The following TMEM255B variants were observed in gnomAD, a reference collection of about 807,000 sequenced individuals.
TMEM255B encodes the protein family with sequence similarity 70, member B.
In TMEM255B, 35 loss-of-function variants were observed where a neutral mutation model predicts 34.5. The observed-to-expected ratio is 1.01, with a 90% CI of 0.77 to 1.34. The LOEUF (loss-of-function observed/expected upper bound fraction) is 1.34. Among genes scored for constraint, TMEM255B ranks in the 40% most tolerant of loss-of-function variants. The pLI is 0.00. For synonymous variants in TMEM255B, 206 were observed against 201.2 expected (o/e 1.02, Z -0.20); for missense variants, 432 against 433.2 (o/e 1.00, Z 0.02).
rs908407287 is a variant in TMEM255B at position 113,813,193 on chromosome 13, A to G, written c.*1290A>G. ...GGGAGGGCGGGCGAGAGGTGATCCCATTGCTCCCCAGACGTGCCACAAGAC... is the reference window on the plus strand; with the variant it reads ...GGGAGGGCGGGCGAGAGGTGATCCCGTTGCTCCCCAGACGTGCCACAAGAC... On this transcript the variant is annotated 3_prime_UTR_variant, in exon 9 of 9. Coordinates refer to ENST00000375353, the MANE Select transcript of TMEM255B (RefSeq NM_182614.4). 1.3e-5 allele frequency: 2 copies of G among 152,050 alleles called. No individual in the cohort carries two copies. Among genetic ancestry groups the G allele is most frequent in the African/African-American group, 4.8e-5 (2 of 41,384 alleles). 9.4% of individuals were successfully genotyped at this position (152,050 alleles called of 1,614,324 possible). A position where few individuals can be genotyped will look rare whatever the true frequency, so the allele number is the denominator to read the frequency against.
chr13:113,788,740 A>G (rs577365693), intron 3 of TMEM255B, among the ~76,000 whole-genome samples: 2 of 151,738 alleles, frequency 1.3e-5, no homozygotes, highest in East Asian at 3.9e-4. Flanking sequence ...CGACCTGTGT[A>G]CTCCACTCGC....
chr13:113,799,509 A>G, intron 5 of TMEM255B, 90 bp downstream of exon 5: 1 of 1,245,130 alleles, frequency 8.0e-7, no homozygotes, highest in Non-Finnish European at 1.2e-6. Context: ...CGTGGTCTGA[A>G]TATTTTGATT....
At chr13:113,800,376 T>G (rs1308897462) in intron 5 of TMEM255B, among the ~76,000 whole-genome samples, 1 of 150,270 alleles carries the variant, frequency 6.7e-6, no homozygotes, top group East Asian at 2.0e-4. Context: ...CTTTCAAGGT[T>G]GTCACACAGA....
rs376156093 is a variant in TMEM255B at position 113,811,621 on chromosome 13, G to A, written c.814-115G>A. ...GGCCCTGAGTCTGCGGGTGGCCCTG[G>A]GTTGGCGGGGTGGGTGGGGAGCGTG... On this transcript the variant is annotated intron_variant, in intron 8 of 8. Transcript: ENST00000375353. 3,399 of 1,254,160 alleles carry A rather than the reference G, an allele frequency of 2.7e-3. 14 individuals are homozygous for A. Among genetic ancestry groups the A allele is most frequent in the Middle Eastern group, 5.0e-3 (18 of 3,632 alleles). The allele number at this position is 1,254,160 out of a possible 1,614,324, so 77.7% of individuals were successfully genotyped here.
intron 3 of TMEM255B, among the ~76,000 whole-genome samples, chr13:113,794,934 G>A (rs578018207): frequency 6.6e-6 from 1 of 152,380 alleles, no homozygotes; most frequent in South Asian, 2.1e-4. Context: ...TGCAGAAGGC[G>A]CCTGGGTGGG....
intron 3 of TMEM255B, among the ~76,000 whole-genome samples, chr13:113,773,243 G>T (rs542370681): frequency 6.6e-6 from 1 of 152,176 alleles, no homozygotes; most frequent in Non-Finnish European, 1.5e-5. Flanking sequence ...GTTGTCCATT[G>T]CAAGTGTTTA....
In TMEM255B at chr13:113,766,211, C is replaced by T. The variant is rs2050386096; in HGVS notation, c.143C>T (p.Thr48Ile). 4 of 1,614,100 alleles carry T rather than the reference C, an allele frequency of 2.5e-6. No individual in the cohort carries two copies. The African/African-American group carries it at 4.0e-5, about 16-fold the overall frequency. The change falls in exon 2 of 9, where the codon ACC becomes ATC. Residue 48 changes from threonine (T) to isoleucine (I), a missense_variant. Thr to Ile is a moderately conservative substitution (Grantham distance 89). Coordinates refer to ENST00000375353, the MANE Select transcript of TMEM255B (RefSeq NM_182614.4). ...GTCACCGTCGGGCTGGCTGCCACCA[C>T]CAGGACGGAGAATGTGACCGTTGGG... is the stretch of plus-strand genomic sequence containing the variant. Reference protein sequence around the residue: ...LIVTVGLAATTRTENVTVGGY... With the variant: ...LIVTVGLAATIRTENVTVGGY...
Position 113,815,130 on chromosome 13 carries a change from A to C in TMEM255B, c.*3227A>C, listed in dbSNP as rs1052875189. 2.8e-4 allele frequency: 43 copies of C among 152,120 alleles called. No homozygotes were observed. The highest frequency in any genetic ancestry group is 1.0e-3 in the African/African-American group (42 of 41,372). The allele number at this position is 152,120 out of a possible 1,614,324, so 9.4% of individuals were successfully genotyped here. On this transcript the variant is annotated 3_prime_UTR_variant, in exon 9 of 9. Transcript: ENST00000375353. ...GTTACAGGGAGTCTCCTCCTGCCTCAGTTTCTACATTTCACACAGCAGCAC... is the reference window on the plus strand; with the variant it reads ...GTTACAGGGAGTCTCCTCCTGCCTCCGTTTCTACATTTCACACAGCAGCAC...
At chr13:113,800,611 G>A (rs1472747820) in intron 5 of TMEM255B, among the ~76,000 whole-genome samples, 1 of 152,110 alleles carries the variant, frequency 6.6e-6, no homozygotes, top group African/African-American at 2.4e-5. Context: ...TCCGGCCTCT[G>A]GGACCAGCCT....
At chr13:113,800,665 C>T (rs1327805335) in intron 5 of TMEM255B, among the ~76,000 whole-genome samples, 162 bp from the exon 6 acceptor site, 1 of 152,138 alleles carries the variant, frequency 6.6e-6, no homozygotes, top group Non-Finnish European at 1.5e-5. Context: ...GCCCCCGAGC[C>T]CCCAAGCCTC....
At chr13:113,790,662 G>A (rs539649035) in intron 3 of TMEM255B, among the ~76,000 whole-genome samples, 11 of 144,814 alleles carry the variant, frequency 7.6e-5, no homozygotes, top group South Asian at 2.3e-4. Flanking sequence ...GACCGGACAC[G>A]TGGACATCCT....
rs1566740962 is a variant in TMEM255B, at chr13:113,800,866, G to A, written c.463G>A (p.Val155Met). 6.2e-7 allele frequency: 1 copy of A among 1,610,732 alleles called. No homozygotes were observed. Among genetic ancestry groups the A allele is most frequent in the Admixed American group, 1.7e-5 (1 of 59,708 alleles). The change falls in exon 6 of 9, where the codon GTG becomes ATG. Residue 155 changes from valine to methionine, a missense_variant. Physicochemically the swap from Val to Met is conservative, Grantham distance 21. Coordinates refer to ENST00000375353, the MANE Select transcript of TMEM255B (RefSeq NM_182614.4). ...HSLDGKCQLK[V>M]RSNTCYCCDL... Reference sequence around the variant, plus strand: ...CCTGGACGGCAAGTGCCAGCTGAAGGTGAGAAGCAACACCTGTTACTGCTG... The same window carrying A: ...CCTGGACGGCAAGTGCCAGCTGAAGATGAGAAGCAACACCTGTTACTGCTG...
At chr13:113,790,130 G>GC (rs2050805376) in intron 3 of TMEM255B, among the ~76,000 whole-genome samples, 1 of 145,746 alleles carries the variant, frequency 6.9e-6, no homozygotes. Flanking sequence ...GGACATCCTA[G>GC]TGCTGGACTG....
rs1047957899 is a variant in TMEM255B at position 113,812,346 on chromosome 13, C to T, written c.*443C>T. ...CTGGAGAAGCGCAGGGCAGAAGCCA[C>T]CCGCCCCTCGTGCTGTGCTCCTGAC... On this transcript the variant is annotated 3_prime_UTR_variant, in exon 9 of 9. Transcript: ENST00000375353. The T allele has an allele frequency of 5.9e-6, 1 of 170,420 alleles. No individual in the cohort carries two copies. The highest frequency in any genetic ancestry group is 1.3e-5 in the Non-Finnish European group (1 of 79,308). 10.6% of individuals were successfully genotyped at this position (170,420 alleles called of 1,614,324 possible). A position where few individuals can be genotyped will look rare whatever the true frequency, so the allele number is the denominator to read the frequency against.
At chr13:113,768,939 C>T (rs775737080) in intron 2 of TMEM255B, 159 bp from the exon 3 acceptor site, 2 of 750,664 alleles carry the variant, frequency 2.7e-6, no homozygotes, top group Non-Finnish European at 4.8e-6. Flanking sequence ...CCAGCAGACG[C>T]ACCTGCTGCT....
At chr13:113,765,641 C>T (rs58032708) in intron 1 of TMEM255B, among the ~76,000 whole-genome samples, 28,749 of 152,184 alleles carry the variant, frequency 0.19, 3,174 homozygotes, top group African/African-American at 0.29. Context: ...AGCTGGATGG[C>T]TGCTGTGTGC....
chr13:113,793,348 T>C (rs969504922), intron 3 of TMEM255B, among the ~76,000 whole-genome samples: 6 of 152,206 alleles, frequency 3.9e-5, no homozygotes, highest in African/African-American at 1.4e-4. Flanking sequence ...GCTTGATGTC[T>C]GAGCTCTCAG....
chr13:113,778,981 G>A (rs570241447), intron 3 of TMEM255B, among the ~76,000 whole-genome samples: 23 of 152,208 alleles, frequency 1.5e-4, no homozygotes, highest in Non-Finnish European at 2.6e-4. Context: ...GCTTCGGGCC[G>A]ATTTAGGTCT....
chr13:113,795,150 G>A lies in TMEM255B; in HGVS notation c.255G>A (p.Leu85=). 6.2e-7 allele frequency: 1 copy of A among 1,613,882 alleles called. No homozygotes were observed. The highest frequency in any genetic ancestry group is 8.5e-7 in the Non-Finnish European group (1 of 1,179,942). Residue 85 remains leucine (L), a splice_region_variant and synonymous_variant, in exon 4 of 9, where the codon CTG becomes CTA. Transcript: ENST00000375353. ...CCACACCTCTCCTTCTGTTGCAGCT[G>A]GTGGCAGCGATCGTGTTTATCAGTT... The part of the protein sequence containing the change: ...INLVENRRQM[L]VAAIVFISFG...
Sources: gnomAD v4.1 joint callset for allele counts (sites outside exome capture counted in the v4.1 genomes callset) on GRCh38, gnomAD v4.1.1 for gene constraint, MANE v1.5 for transcripts, NCBI Gene and HGNC (gene_info 2026-07-23, HGNC 2026-07-21) for gene names.